Variants in PCDHGB1 observed in about 807,000 individuals in gnomAD.
The protein encoded by PCDHGB1 is protocadherin gamma-B1.
PCDHGB1 carries 34 observed loss-of-function variants against 56.6 expected under a neutral mutation model. The ratio of observed to expected loss-of-function variants is 0.60; its 90% CI spans 0.46 to 0.80. PCDHGB1 has a LOEUF of 0.80. Ranked by LOEUF, PCDHGB1 falls within the 30% of genes least tolerant of loss-of-function variation. The probability of loss-of-function intolerance (pLI) is 0.00; values close to 1 mark genes in which losing one functional copy is unlikely to be tolerated. For synonymous variants in PCDHGB1, 561 were observed against 505.9 expected, an observed-to-expected ratio of 1.11 and a Z score of -1.46; for missense variants, 1,278 against 1,204.6, an observed-to-expected ratio of 1.06 and a Z score of -0.90.
chr5:141,407,661 T>G (rs964293417), intron 1 of PCDHGB1, among the ~76,000 whole-genome samples: 13 of 152,164 alleles, frequency 8.5e-5, no homozygotes, highest in African/African-American at 2.7e-4. Flanking sequence ...GAGCGCAGTA[T>G]ATATTAAACA....
intron 1 of PCDHGB1, chr5:141,355,156 A>G: frequency 6.4e-7 from 1 of 1,554,072 alleles, no homozygotes; most frequent in Non-Finnish European, 8.7e-7. Context: ...TCAGGCCTCG[A>G]CAGAGGGAAA....
At chr5:141,446,061 AG>A (rs903957950) in intron 1 of PCDHGB1, among the ~76,000 whole-genome samples, 3 of 152,226 alleles carry the variant, frequency 2.0e-5, no homozygotes, top group African/African-American at 7.2e-5. Context: ...CTTGGATTAA[AG>A]GGGAGGCAGT....
At chr5:141,445,284 C>A (rs2098462533) in intron 1 of PCDHGB1, among the ~76,000 whole-genome samples, 1 of 152,178 alleles carries the variant, frequency 6.6e-6, no homozygotes, top group African/African-American at 2.4e-5. Flanking sequence ...TGCATAAGTT[C>A]AGGCTTCCAT....
intron 1 of PCDHGB1, chr5:141,389,455 G>A (rs1345301697): frequency 6.2e-7 from 1 of 1,613,044 alleles, no homozygotes; most frequent in Admixed American, 1.7e-5. Context: ...GAGCAGCTGC[G>A]CGCCTTCGAA....
chr5:141,390,538 C>CA, intron 1 of PCDHGB1: 3 of 518,310 alleles, frequency 5.8e-6, no homozygotes, highest in Non-Finnish European at 1.0e-5. Flanking sequence ...GTTTTAACCA[C>CA]AAAGTGAAAG....
chr5:141,393,481 C>G (rs368525192), intron 1 of PCDHGB1: 11 of 1,613,948 alleles, frequency 6.8e-6, no homozygotes, highest in African/African-American at 5.3e-5. Flanking sequence ...CCGCCTCGCT[C>G]TAGCACAGTG....
At chr5:141,422,127 A>G (rs779974245) in intron 1 of PCDHGB1, 1 of 1,600,944 alleles carries the variant, frequency 6.2e-7, no homozygotes. Context: ...CACAAACTGG[A>G]GAAGTTCAAG....
intron 1 of PCDHGB1, among the ~76,000 whole-genome samples, chr5:141,437,076 A>G (rs1018228245): frequency 6.6e-6 from 1 of 152,236 alleles, no homozygotes; most frequent in African/African-American, 2.4e-5. Flanking sequence ...TTTGGGCCAT[A>G]TAAGAATTGA....
chr5:141,404,906 C>G, intron 1 of PCDHGB1: 8 of 1,613,864 alleles, frequency 5.0e-6, no homozygotes, highest in Non-Finnish European at 5.1e-6. Context: ...CCATGGCCAG[C>G]CCCCTCTCTC....
At position 141,389,758 on chromosome 5, in the gene PCDHGB1, G is replaced by T. The variant is rs201153580; in HGVS notation, c.2409+37089G>T. On this transcript the variant is annotated intron_variant, in intron 1 of 3. Transcript: ENST00000523390. Reference sequence around the variant, plus strand: ...CTGGGGCTGCGCACGGGCGAAGTGCGCACAGCGCGTGCCTTAGGCGACAGG... The same window carrying T: ...CTGGGGCTGCGCACGGGCGAAGTGCTCACAGCGCGTGCCTTAGGCGACAGG... The T allele has an allele frequency of 1.4e-4, 224 of 1,612,792 alleles. No homozygotes were observed. The African/African-American group carries it at 2.7e-3, about 19-fold the overall frequency.
chr5:141,432,800 C>T lies in PCDHGB1; in HGVS notation c.2410-62007C>T. The T allele has an allele frequency of 6.2e-7, 1 of 1,614,156 alleles. No individual in the cohort carries two copies. The highest frequency in any genetic ancestry group is 8.5e-7 in the Non-Finnish European group (1 of 1,180,008). ...GGCGGACCTCGGCAGCCTCGAGTCT[C>T]CAGCTAACTCTGAAACCTCAGACCT... On this transcript the variant is annotated intron_variant, in intron 1 of 3. Transcript: ENST00000523390. This position sits in a 1 kb window ranked among gnomAD's most constrained non-coding sequence, Gnocchi z 6.0.
chr5:141,504,937 G>A (rs1350441435), intron 2 of PCDHGB1, among the ~76,000 whole-genome samples: 2 of 152,054 alleles, frequency 1.3e-5, no homozygotes, highest in East Asian at 1.9e-4. Context: ...GGTGGGTGGG[G>A]GAATGCACTA....
intron 1 of PCDHGB1, chr5:141,419,588 A>C: frequency 6.2e-7 from 1 of 1,611,830 alleles, no homozygotes; most frequent in Non-Finnish European, 8.5e-7. Flanking sequence ...GCTCTTCGAC[A>C]CAGTGCCGCG....
chr5:141,496,723 T>G (rs1312615861), intron 2 of PCDHGB1, among the ~76,000 whole-genome samples: 3 of 152,212 alleles, frequency 2.0e-5, no homozygotes, highest in Non-Finnish European at 4.4e-5. Context: ...AAGTCATTAA[T>G]GTATTCATTC....
intron 1 of PCDHGB1, chr5:141,478,196 C>T: frequency 6.2e-7 from 1 of 1,614,068 alleles, no homozygotes; most frequent in Middle Eastern, 1.6e-4. Context: ...CACCTTTTAT[C>T]TACTTCTTTC....
At chr5:141,419,298 A>G in intron 1 of PCDHGB1, 1 of 1,613,988 alleles carries the variant, frequency 6.2e-7, no homozygotes, top group Non-Finnish European at 8.5e-7. Context: ...TCTGACCCAG[A>G]CTTCGGGCTC....
rs751214480 is a variant in PCDHGB1, at chr5:141,485,161, G to A, written c.2410-9646G>A. ...CGTCTCAGGAGCAAGTAGAGAATTA[G>A]CGGGCGGCAGCAATGCTCCGCAAGG... On this transcript the variant is annotated intron_variant, in intron 1 of 3. Transcript: ENST00000523390. The surrounding 1 kb of genome is among the most constrained non-coding windows in gnomAD (Gnocchi z 5.7). The A allele has an allele frequency of 8.1e-6, 13 of 1,603,712 alleles. No individual in the cohort carries two copies. The Admixed American group carries it at 2.0e-4, about 25-fold the overall frequency.
At chr5:141,469,249 C>T (rs1025813940) in intron 1 of PCDHGB1, among the ~76,000 whole-genome samples, 1 of 152,026 alleles carries the variant, frequency 6.6e-6, no homozygotes, top group Non-Finnish European at 1.5e-5. Flanking sequence ...TGCACTCCAG[C>T]TTGGGCAACA....
intron 1 of PCDHGB1, chr5:141,361,453 C>G (rs758759325): frequency 1.2e-6 from 2 of 1,614,046 alleles, no homozygotes; most frequent in Non-Finnish European, 1.7e-6. Flanking sequence ...AATTGTCACC[C>G]TGCACATCTC....
Sources: gnomAD v4.1 joint callset for allele counts (sites outside exome capture counted in the v4.1 genomes callset) on GRCh38, gnomAD v4.1.1 for gene constraint, Gnocchi (gnomAD v3.1) non-coding constraint, MANE v1.5 for transcripts, NCBI Gene and HGNC (gene_info 2026-07-23, HGNC 2026-07-21) for gene names.